CACNG2: variants seen among roughly 807,000 people sequenced by gnomAD.
CACNG2 encodes calcium voltage-gated channel auxiliary subunit gamma 2.
A neutral mutation model predicts 25.9 loss-of-function variants in CACNG2; 3 were observed. The observed-to-expected ratio is 0.12, with a 90% CI of 0.05 to 0.30. The LOEUF is 0.30. Among genes scored for constraint, CACNG2 ranks in the 10% least tolerant of loss-of-function variants. The pLI is 1.00. For missense variants in CACNG2, 341 were observed against 432.5 expected (o/e 0.79, Z 1.88); for synonymous variants, 167 against 173.3 (o/e 0.96, Z 0.29).
intron 1 of CACNG2, among the ~76,000 whole-genome samples, chr22:36,646,872 A>G (rs968508434): frequency 9.9e-5 from 15 of 151,990 alleles, no homozygotes; most frequent in Admixed American, 9.8e-4. Flanking sequence ...TAAATGAATG[A>G]GCTAGGTCCT....
At chr22:36,646,905 C>T (rs2040766528) in intron 1 of CACNG2, among the ~76,000 whole-genome samples, 1 of 152,006 alleles carries the variant, frequency 6.6e-6, no homozygotes, top group African/African-American at 2.4e-5. Flanking sequence ...AGGGCCCTTA[C>T]TTTGTATTTT....
chr22:36,665,214 T>A (rs1378594337), intron 1 of CACNG2, among the ~76,000 whole-genome samples: 1 of 152,220 alleles, frequency 6.6e-6, no homozygotes. Flanking sequence ...TCTAGCAAAG[T>A]AGAGCCTGAT....
At chr22:36,617,485 G>A (rs1454876317) in intron 1 of CACNG2, among the ~76,000 whole-genome samples, 1 of 151,882 alleles carries the variant, frequency 6.6e-6, no homozygotes, top group Non-Finnish European at 1.5e-5. Context: ...CCTTGGCTTT[G>A]TCACTTACCA....
intron 1 of CACNG2, among the ~76,000 whole-genome samples, chr22:36,653,166 A>G (rs748366035): frequency 2.6e-5 from 4 of 152,220 alleles, no homozygotes; most frequent in Non-Finnish European, 4.4e-5. Context: ...TACTAAAAAT[A>G]CAAAAATATT....
intron 1 of CACNG2, among the ~76,000 whole-genome samples, chr22:36,601,557 A>G (rs1236300634): frequency 6.6e-6 from 1 of 151,708 alleles, no homozygotes; most frequent in Non-Finnish European, 1.5e-5. Context: ...GCAATGGCAC[A>G]CTCTTGGCTC....
Position 36,606,653 on chromosome 22 carries a change from G to A in CACNG2, c.212-19105C>T, listed in dbSNP as rs1935837400. 6.6e-6 allele frequency among the ~76,000 whole-genome samples: 1 copy of A among 152,140 alleles called. No homozygotes were observed. The highest frequency in any genetic ancestry group is 2.4e-5 in the African/African-American group (1 of 41,426). On this transcript the variant is annotated intron_variant, in intron 1 of 3. Transcript: ENST00000300105. This position sits in a 1 kb window ranked among gnomAD's most constrained non-coding sequence, Gnocchi z 5.7. ...AATTGGCAGATGAAAGGGAGGGCAG[G>A]GAGGTGTTTGAGAGAAGAGCAAGTG...
At chr22:36,650,767 G>T (rs1936599153) in intron 1 of CACNG2, among the ~76,000 whole-genome samples, 1 of 152,142 alleles carries the variant, frequency 6.6e-6, no homozygotes, top group African/African-American at 2.4e-5. Flanking sequence ...TGATCCTTCT[G>T]CCTGGGCCTC....
At position 36,580,246 on chromosome 22, in the gene CACNG2, G is replaced by A. The variant is rs193258232; in HGVS notation, c.295+7219C>T. On this transcript the variant is annotated intron_variant, in intron 2 of 3. Transcript: ENST00000300105. Reference sequence around the variant, plus strand: ...AAGCCTGCCTCCCACTGGTGTCCAAGTTCTGTAAATTCACCCCCCAGACGG... The same window carrying A: ...AAGCCTGCCTCCCACTGGTGTCCAAATTCTGTAAATTCACCCCCCAGACGG... Among the ~76,000 whole-genome samples the A allele has an allele frequency of 5.5e-4, 84 of 152,060 alleles. 1 individual carries two copies. Among genetic ancestry groups the A allele is most frequent in the African/African-American group, 2.0e-3 (83 of 41,462 alleles).
At chr22:36,583,364 C>T (rs183244782) in intron 2 of CACNG2, among the ~76,000 whole-genome samples, 2 of 150,586 alleles carry the variant, frequency 1.3e-5, no homozygotes, top group African/African-American at 4.9e-5. Flanking sequence ...ACCCAGGAGG[C>T]AGAGGTTGCA....
intron 2 of CACNG2, among the ~76,000 whole-genome samples, chr22:36,570,755 T>TC (rs1476895664): frequency 1.1e-5 from 1 of 94,180 alleles, no homozygotes; most frequent in East Asian, 3.1e-4. Context: ...AGAGCAAGAC[T>TC]CCATCTCAAA....
intron 1 of CACNG2, among the ~76,000 whole-genome samples, chr22:36,670,904 G>C (rs1408799149): frequency 6.6e-6 from 1 of 151,202 alleles, no homozygotes; most frequent in Admixed American, 6.6e-5. Flanking sequence ...TTGCAGGCCA[G>C]GTCCAAAGTC....
chr22:36,688,314 G>A (rs1253974133), intron 1 of CACNG2, among the ~76,000 whole-genome samples: 1 of 152,064 alleles, frequency 6.6e-6, no homozygotes, highest in East Asian at 1.9e-4. Flanking sequence ...GGAGATGGAG[G>A]TGAGAGGATC....
At chr22:36,645,536 C>CAAAAAAAAAA (rs200600420) in intron 1 of CACNG2, among the ~76,000 whole-genome samples, 74 of 134,836 alleles carry the variant, frequency 5.5e-4, no homozygotes, top group African/African-American at 2.0e-3. Flanking sequence ...GACTCTGTCT[C>CAAAAAAAAAA]AAAAAAAAAA....
intron 1 of CACNG2, among the ~76,000 whole-genome samples, chr22:36,696,438 C>T (rs1937342380): frequency 6.6e-6 from 1 of 152,208 alleles, no homozygotes; most frequent in African/African-American, 2.4e-5. Flanking sequence ...GCCACCACAG[C>T]TCACCATGCA....
chr22:36,598,785 C>T (rs767719181), intron 1 of CACNG2, among the ~76,000 whole-genome samples: 2 of 152,020 alleles, frequency 1.3e-5, no homozygotes, highest in Non-Finnish European at 1.5e-5. Flanking sequence ...TCTAGACCAG[C>T]CTGGCCAACA....
At position 36,564,892 on chromosome 22, in the gene CACNG2, G is replaced by A; in HGVS notation, c.437-6C>T. On this transcript the variant is annotated splice_polypyrimidine_tract_variant and splice_region_variant and intron_variant, in intron 3 of 3. Transcript: ENST00000300105. The surrounding 1 kb of genome is among the most constrained non-coding windows in gnomAD (Gnocchi z 6.7). Reference sequence around the variant, plus strand: ...GCCAATGATGTTACTCAGACCTGCGGGGCGCAGGGTGGCGGGGTGGGGGAT... The same window carrying A: ...GCCAATGATGTTACTCAGACCTGCGAGGCGCAGGGTGGCGGGGTGGGGGAT... The A allele has an allele frequency of 1.2e-6, 2 of 1,611,056 alleles. No homozygotes were observed. The highest frequency in any genetic ancestry group is 2.2e-5 in the South Asian group (2 of 91,072).
At chr22:36,601,120 C>A (rs2145931889) in intron 1 of CACNG2, among the ~76,000 whole-genome samples, 1 of 152,268 alleles carries the variant, frequency 6.6e-6, no homozygotes, top group East Asian at 1.9e-4. Context: ...TACTTTGAAT[C>A]CTTTGACCTA....
intron 1 of CACNG2, among the ~76,000 whole-genome samples, chr22:36,675,860 A>G (rs1014596250): frequency 6.6e-6 from 1 of 152,240 alleles, no homozygotes; most frequent in African/African-American, 2.4e-5. Flanking sequence ...AGCAACTATC[A>G]ACAACAATAG....
chr22:36,644,742 A>C (rs754691942), intron 1 of CACNG2, among the ~76,000 whole-genome samples: 5 of 152,234 alleles, frequency 3.3e-5, no homozygotes, highest in Admixed American at 6.5e-5. Context: ...TGTGAGGATC[A>C]AATGAGTTAC....
Sources: allele counts gnomAD v4.1 joint callset (sites outside exome capture counted in the v4.1 genomes callset), GRCh38; gene constraint gnomAD v4.1.1; non-coding constraint Gnocchi (gnomAD v3.1); transcripts MANE v1.5; gene names NCBI Gene and HGNC (gene_info 2026-07-23, HGNC 2026-07-21).